The following NREP variants were observed in gnomAD, a reference collection of about 807,000 sequenced individuals.
NREP encodes the protein neuronal regeneration related protein, also known as neuronal regeneration-related protein.
A neutral mutation model predicts 8.6 loss-of-function variants in NREP; 5 were observed. The ratio of observed to expected loss-of-function variants is 0.58; its 90% CI spans 0.30 to 1.22. NREP has a LOEUF of 1.22. Ranked by LOEUF, NREP falls within the 50% of genes most tolerant of loss-of-function variation. The probability of loss-of-function intolerance (pLI) is 0.07; values close to 1 mark genes in which losing one functional copy is unlikely to be tolerated. For missense variants in NREP, 86 were observed against 82.5 expected (o/e 1.04, Z -0.17); for synonymous variants, 27 against 28.0 (o/e 0.96, Z 0.11).
At chr5:111,958,668 A>C (rs1343711905) in intron 2 of NREP, among the ~76,000 whole-genome samples, 3 of 151,796 alleles carry the variant, frequency 2.0e-5, no homozygotes, top group African/African-American at 7.3e-5. Context: ...AAATAATTAG[A>C]AAAACAAAAC....
rs151044255 is a variant in NREP, at chr5:111,791,789, C to T, written c.136-56282G>A. Reference sequence around the variant, plus strand: ...CACCCTGTGACTTAAATTAAATGTGCTGTTTATTCATTCTTTTAGATATAC... The same window carrying T: ...CACCCTGTGACTTAAATTAAATGTGTTGTTTATTCATTCTTTTAGATATAC... On this transcript the variant is annotated intron_variant, in intron 2 of 3. Coordinates refer to the NREP transcript ENST00000395634. Among the ~76,000 whole-genome samples the T allele has an allele frequency of 8.4e-4, 128 of 152,286 alleles. 2 individuals are homozygous for T. In the East Asian group the frequency reaches 0.017, roughly 21 times the overall value.
At chr5:111,940,324 T>C (rs1755797066) in intron 2 of NREP, among the ~76,000 whole-genome samples, 2 of 152,044 alleles carry the variant, frequency 1.3e-5, no homozygotes, top group African/African-American at 4.8e-5. Flanking sequence ...TGAAATACTG[T>C]TCCCTCTCTT....
intron 2 of NREP, among the ~76,000 whole-genome samples, chr5:111,786,245 T>C (rs2112888434): frequency 6.6e-6 from 1 of 152,362 alleles, no homozygotes; most frequent in Non-Finnish European, 1.5e-5. Flanking sequence ...TTTTGCCGCC[T>C]TGTGAAGAAG....
At chr5:111,759,931 T>C (rs1465012692), upstream of NREP, among the ~76,000 whole-genome samples, 1 of 152,212 alleles carries the variant, frequency 6.6e-6, no homozygotes, top group Non-Finnish European at 1.5e-5. Context: ...ACAGTGTGAC[T>C]ATAGTCTGAC....
At chr5:111,866,550 C>A (rs1301797083) in intron 2 of NREP, among the ~76,000 whole-genome samples, 6 of 152,136 alleles carry the variant, frequency 3.9e-5, no homozygotes, top group Non-Finnish European at 7.3e-5. Context: ...GTTGGTGGGA[C>A]TGTAAACTAG....
Position 111,889,578 on chromosome 5 carries a change from T to G in NREP, c.135+85696A>C, listed in dbSNP as rs569592325. 6.6e-5 allele frequency among the ~76,000 whole-genome samples: 10 copies of G among 152,328 alleles called. No homozygotes were observed. The South Asian group carries it at 2.1e-3, about 32-fold the overall frequency. On this transcript the variant is annotated intron_variant, in intron 2 of 3. Transcript: ENST00000395634. The stretch of plus-strand genomic sequence containing the variant: ...ATAGTACCCCAAAGTTTTAACTCAT[T>G]TCAGCATTAACTCAAAAGTCCCAAG...
chr5:111,842,502 A>G (rs1284789986), intron 2 of NREP, among the ~76,000 whole-genome samples: 1 of 152,134 alleles, frequency 6.6e-6, no homozygotes, highest in Admixed American at 6.6e-5. Flanking sequence ...CTGCCCCGAC[A>G]TTTTATGTTA....
intron 2 of NREP, among the ~76,000 whole-genome samples, chr5:111,911,407 T>C (rs114911453): frequency 0.036 from 5,469 of 152,184 alleles, 169 homozygotes; most frequent in Non-Finnish European, 0.049. Flanking sequence ...CCCTACACAA[T>C]TGTGTTCAAT....
intron 1 of NREP, among the ~76,000 whole-genome samples, chr5:111,976,182 A>G (rs1184099687): frequency 6.6e-6 from 1 of 152,210 alleles, no homozygotes; most frequent in Non-Finnish European, 1.5e-5. Context: ...AAAAGATTAT[A>G]CAATAGCTTT....
intron 2 of NREP, among the ~76,000 whole-genome samples, chr5:111,864,331 A>G (rs1753618236): frequency 6.6e-6 from 1 of 152,146 alleles, no homozygotes; most frequent in Non-Finnish European, 1.5e-5. Flanking sequence ...GATATTATTG[A>G]GTTAAGAAGG....
At chr5:111,889,478 C>G (rs1320023312) in intron 2 of NREP, among the ~76,000 whole-genome samples, 1 of 152,182 alleles carries the variant, frequency 6.6e-6, no homozygotes, top group Non-Finnish European at 1.5e-5. Flanking sequence ...AATATCCAAA[C>G]TACATCATAC....
chr5:111,889,862 G>C (rs1303060953), intron 2 of NREP, among the ~76,000 whole-genome samples: 3 of 151,960 alleles, frequency 2.0e-5, no homozygotes, highest in East Asian at 3.9e-4. Context: ...GTTAAAGGGG[G>C]TTATTCTCTT....
At chr5:111,755,729 G>T (rs1750659714) in intron 2 of NREP, 41 bp downstream of exon 2, 2 of 1,607,314 alleles carry the variant, frequency 1.2e-6, no homozygotes, top group Non-Finnish European at 1.7e-6. Context: ...TAACAGACTG[G>T]TAAGAAGTAC....
chr5:111,930,282 G>T (rs911691261), intron 2 of NREP, among the ~76,000 whole-genome samples: 1 of 152,090 alleles, frequency 6.6e-6, no homozygotes, highest in East Asian at 1.9e-4. Context: ...TTAAATGTTA[G>T]GCTCCCATAA....
chr5:111,883,308 C>A (rs1754139618), intron 2 of NREP, among the ~76,000 whole-genome samples: 2 of 152,188 alleles, frequency 1.3e-5, no homozygotes, highest in African/African-American at 4.8e-5. Flanking sequence ...TACAGGAGCA[C>A]CCAGATTCAC....
At chr5:111,833,764 C>A (rs1344048382) in intron 2 of NREP, among the ~76,000 whole-genome samples, 3 of 152,156 alleles carry the variant, frequency 2.0e-5, no homozygotes, top group Admixed American at 6.5e-5. Context: ...GTGGCATACT[C>A]ATGGGAAAAC....
chr5:111,892,450 C>G (rs1754416465), intron 2 of NREP, among the ~76,000 whole-genome samples: 1 of 152,122 alleles, frequency 6.6e-6, no homozygotes, highest in Admixed American at 6.5e-5. Context: ...CCCACACATT[C>G]ATATGAAGAG....
At chr5:111,905,254 A>G (rs1754753437) in intron 2 of NREP, among the ~76,000 whole-genome samples, 2 of 152,108 alleles carry the variant, frequency 1.3e-5, no homozygotes. Context: ...CTGGTAGATC[A>G]CGTGGTAAGA....
At chr5:111,731,504 A>T (rs1016522779) in intron 3 of NREP, among the ~76,000 whole-genome samples, 1 of 152,162 alleles carries the variant, frequency 6.6e-6, no homozygotes, top group Non-Finnish European at 1.5e-5. Flanking sequence ...TGTAATAAAA[A>T]TATTTAAAAA....
Sources: allele counts gnomAD v4.1 joint callset (sites outside exome capture counted in the v4.1 genomes callset), GRCh38; gene constraint gnomAD v4.1.1; transcripts MANE v1.5; gene names NCBI Gene and HGNC (gene_info 2026-07-23, HGNC 2026-07-21).